Variants in UGT2B11 observed in about 807,000 individuals in gnomAD.
UGT2B11 encodes the protein UDP-glucuronosyltransferase 2B11.
UGT2B11 carries 49 observed loss-of-function variants against 51.7 expected under a neutral mutation model. That is an observed-to-expected ratio of 0.95 (90% CI 0.75 to 1.20). The LOEUF (loss-of-function observed/expected upper bound fraction) is 1.20, where lower values mean the gene tolerates loss of function less well. UGT2B11 is among the 50% of genes most tolerant of loss of function. UGT2B11 has a pLI of 0.00. For synonymous variants in UGT2B11, 273 were observed against 209.0 expected, an observed-to-expected ratio of 1.31 and a Z score of -2.64; for missense variants, 810 against 622.1, an observed-to-expected ratio of 1.30 and a Z score of -3.21.
the UGT2B11 span, among the ~76,000 whole-genome samples, chr4:69,222,255 A>C: frequency 6.6e-6 from 1 of 152,252 alleles, no homozygotes; most frequent in East Asian, 1.9e-4. Context: ...ATTGGGTGAT[A>C]AGTTTATCCT....
intron 2 of UGT2B11, among the ~76,000 whole-genome samples, chr4:69,211,965 T>C (rs570702326): frequency 6.6e-6 from 1 of 151,614 alleles, no homozygotes; most frequent in African/African-American, 2.4e-5. Flanking sequence ...ACCTGAGGAC[T>C]TGAGAACTGT....
chr4:69,218,092 G>C (rs1722320612), upstream of UGT2B11, among the ~76,000 whole-genome samples: 1 of 152,116 alleles, frequency 6.6e-6, no homozygotes, highest in South Asian at 2.1e-4. Flanking sequence ...CCATTGAATT[G>C]AATTATATCC....
rs754330334 is a variant in UGT2B11, at chr4:69,200,654, C to T, written c.1376G>A (p.Arg459Gln). ...QHDQPVKPLD[R>Q]AVFWIEFVMP... is the part of the protein sequence containing the mutation. The stretch of plus-strand genomic sequence containing the variant: ...GACAAATTCAATCCAGAAGACTGCT[C>T]GATCCAGGGGCTTTACTGGTTGATC... The change falls in exon 6 of 6, where the codon CGA becomes CAA. Residue 459 changes from arginine (R) to glutamine (Q), a missense_variant. Arg to Gln is a conservative substitution (Grantham distance 43). Coordinates refer to ENST00000446444, the MANE Select transcript of UGT2B11 (RefSeq NM_001073.3). The T allele has an allele frequency of 4.5e-5, 73 of 1,612,152 alleles. No homozygotes were observed. Among genetic ancestry groups the T allele is most frequent in the African/African-American group, 1.3e-4 (10 of 74,742 alleles).
chr4:69,212,040 G>A lies in UGT2B11; in HGVS notation c.870+533C>T, dbSNP rs151162868. ...CCCCTTCATTCTTTTACCTATTCCT[G>A]CATATTTTTTAGCCCTCATCTTACT... On this transcript the variant is annotated intron_variant, in intron 2 of 5. Coordinates refer to ENST00000446444, the MANE Select transcript of UGT2B11 (RefSeq NM_001073.3). 1.8e-3 allele frequency among the ~76,000 whole-genome samples: 265 copies of A among 151,296 alleles called. 3 individuals carry two copies. Among genetic ancestry groups the A allele is most frequent in the African/African-American group, 6.3e-3 (259 of 41,354 alleles).
intron 1 of UGT2B11, 120 bp from the exon 2 acceptor site, chr4:69,212,841 A>T (rs577098648): frequency 2.3e-6 from 2 of 862,952 alleles, no homozygotes; most frequent in Admixed American, 4.4e-5. Context: ...GCTTTGAAAA[A>T]TATATAAATA....
intron 5 of UGT2B11, among the ~76,000 whole-genome samples, chr4:69,203,591 A>C (rs1721742160): frequency 1.3e-5 from 2 of 151,782 alleles, no homozygotes; most frequent in Admixed American, 6.6e-5. Context: ...AAGGCCAATG[A>C]ACTGACAAAT....
the UGT2B11 span, among the ~76,000 whole-genome samples, chr4:69,224,039 G>T: frequency 2.6e-5 from 4 of 152,150 alleles, no homozygotes; most frequent in Non-Finnish European, 2.9e-5. Flanking sequence ...ATACACTATG[G>T]TGGGGAACTG....
rs72551394 is a variant in UGT2B11, at chr4:69,200,601, G to A, written c.1429C>T (p.Arg477Ter). The change falls in exon 6 of 6, where the codon CGA becomes TGA. Residue 477 changes from arginine to a stop codon, truncating the protein, a stop_gained. Coordinates refer to ENST00000446444, the MANE Select transcript of UGT2B11 (RefSeq NM_001073.3). LOFTEE classifies it high-confidence loss of function. Reference protein sequence around the residue: ...VMPHKGAKHLRVAAHDLTWFQ... With the variant: ...VMPHKGAKHL ...CAGGTGAGGTCATGGGCTGCAACTCGAAGGTGTTTGGCTCCTTTGTGGGGC... is the reference window on the plus strand; with the variant it reads ...CAGGTGAGGTCATGGGCTGCAACTCAAAGGTGTTTGGCTCCTTTGTGGGGC... The A allele has an allele frequency of 1.9e-6, 3 of 1,612,228 alleles. No homozygotes were observed. Among genetic ancestry groups the A allele is most frequent in the East Asian group, 2.2e-5 (1 of 44,680 alleles).
chr4:69,215,483 G>GT (rs1560542533), upstream of UGT2B11: 1 of 151,954 alleles, frequency 6.6e-6, no homozygotes, highest in Non-Finnish European at 1.5e-5. Flanking sequence ...TTGCCAAATT[G>GT]TATCAGATGC....
intron 1 of UGT2B11, among the ~76,000 whole-genome samples, chr4:69,213,442 T>C (rs1722149283): frequency 1.3e-5 from 2 of 151,892 alleles, no homozygotes; most frequent in Admixed American, 6.6e-5. Context: ...TCCAATTCTT[T>C]AGTTAGGGAG....
At chr4:69,201,189 C>T (rs1197608117) in intron 5 of UGT2B11, 1 of 152,402 alleles carries the variant, frequency 6.6e-6, no homozygotes, top group Non-Finnish European at 1.5e-5. Context: ...AGTACATGCT[C>T]AGCATCATGA....
chr4:69,217,343 T>C (rs1263640834), upstream of UGT2B11, among the ~76,000 whole-genome samples: 4 of 152,172 alleles, frequency 2.6e-5, no homozygotes, highest in Non-Finnish European at 2.9e-5. Context: ...TAATAATCTG[T>C]TAACCTGAAA....
At chr4:69,213,857 G>C in intron 1 of UGT2B11, 145 bp downstream of exon 1, 1 of 1,194,860 alleles carries the variant, frequency 8.4e-7, no homozygotes, top group Non-Finnish European at 1.1e-6. Flanking sequence ...TAATGTTTGT[G>C]AGATTGATAG....
At position 69,200,372 on chromosome 4, in the gene UGT2B11, C is replaced by A; in HGVS notation, c.*68G>T. 56 of 866,356 alleles carry A rather than the reference C, an allele frequency of 6.5e-5. No homozygotes were observed. Among genetic ancestry groups the A allele is most frequent in the Middle Eastern group, 4.2e-4 (1 of 2,364 alleles). The allele number at this position is 866,356 out of a possible 1,614,324, so 53.7% of individuals were successfully genotyped here. ...AAGAAATCTTGCATAACAATCTTTT[C>A]TTTCTTGCTGGAATAAACTGAAGTT... On this transcript the variant is annotated 3_prime_UTR_variant, in exon 6 of 6. Transcript: ENST00000446444.
At chr4:69,216,249 C>T (rs1477009590), upstream of UGT2B11, 1 of 152,070 alleles carries the variant, frequency 6.6e-6, no homozygotes, top group Non-Finnish European at 1.5e-5. Context: ...TTGTTCAAAA[C>T]AGCATACTCA....
upstream of UGT2B11, chr4:69,215,778 C>A (rs1056901981): frequency 5.3e-5 from 8 of 151,884 alleles, no homozygotes; most frequent in Non-Finnish European, 1.5e-5. Flanking sequence ...CCTTGCCCAC[C>A]CTTGTCTTTC....
upstream of UGT2B11, chr4:69,214,841 G>A (rs1722216277): frequency 9.5e-6 from 14 of 1,466,398 alleles, 1 homozygote; most frequent in South Asian, 1.6e-4. Flanking sequence ...TATTATAGGA[G>A]CATCCTGAGT....
At chr4:69,219,414 A>T (rs1722355998), upstream of UGT2B11, among the ~76,000 whole-genome samples, 1 of 152,068 alleles carries the variant, frequency 6.6e-6, no homozygotes, top group Admixed American at 6.6e-5. Flanking sequence ...TTCTGTTGAT[A>T]GTTACTTTTG....
chr4:69,203,592 A>G (rs1381682179), intron 5 of UGT2B11, among the ~76,000 whole-genome samples: 1 of 151,780 alleles, frequency 6.6e-6, no homozygotes, highest in East Asian at 1.9e-4. Flanking sequence ...AGGCCAATGA[A>G]CTGACAAATG....
Sources: allele counts gnomAD v4.1 joint callset (sites outside exome capture counted in the v4.1 genomes callset), GRCh38; gene constraint gnomAD v4.1.1; transcripts MANE v1.5; gene names NCBI Gene and HGNC (gene_info 2026-07-23, HGNC 2026-07-21).